The following LARP4B variants were observed in gnomAD, a reference collection of about 807,000 sequenced individuals.
The protein encoded by LARP4B is la-related protein 4B.
Under a neutral mutation model 89.8 loss-of-function variants are expected in LARP4B, and 12 were observed. That is an observed-to-expected ratio of 0.13 (90% CI 0.09 to 0.22). The LOEUF is 0.22. Ranked by LOEUF, LARP4B falls within the 10% of genes least tolerant of loss-of-function variation. The pLI is 1.00. For synonymous variants in LARP4B, 367 were observed against 363.3 expected (o/e 1.01, Z -0.12); for missense variants, 757 against 947.7 (o/e 0.80, Z 2.64).
At chr10:983,148 C>A in the LARP4B span, among the ~76,000 whole-genome samples, 1 of 152,228 alleles carries the variant, frequency 6.6e-6, no homozygotes, top group African/African-American at 2.4e-5. Context: ...CAGTTGAGCA[C>A]AGATTTAAAG....
chr10:862,271 A>AAAAC (rs1834658660), intron 5 of LARP4B, among the ~76,000 whole-genome samples: 1 of 149,736 alleles, frequency 6.7e-6, no homozygotes, highest in South Asian at 2.1e-4. Flanking sequence ...AAAAAAAAAA[A>AAAAC]AAAAAAAAAA....
the LARP4B span, among the ~76,000 whole-genome samples, chr10:960,992 G>C: frequency 6.6e-6 from 1 of 152,186 alleles, no homozygotes; most frequent in African/African-American, 2.4e-5. Context: ...ACACAGAGGA[G>C]CACAGCAGGA....
chr10:808,628 C>A (rs1270034469), downstream of LARP4B: 1 of 152,078 alleles, frequency 6.6e-6, no homozygotes, highest in East Asian at 1.9e-4. Context: ...ACTGGTGATA[C>A]TGGAAAAAGA....
At chr10:920,028 C>G (rs1366721022) in intron 1 of LARP4B, among the ~76,000 whole-genome samples, 1 of 152,188 alleles carries the variant, frequency 6.6e-6, no homozygotes, top group Admixed American at 6.5e-5. Flanking sequence ...TTAAAAAGCA[C>G]AGTCTAATAA....
chr10:875,825 G>A (rs955289180), intron 3 of LARP4B, among the ~76,000 whole-genome samples: 9 of 152,104 alleles, frequency 5.9e-5, no homozygotes, highest in Admixed American at 5.2e-4. Context: ...CATGAACTTT[G>A]GGGGACACAT....
intron 1 of LARP4B, among the ~76,000 whole-genome samples, chr10:900,394 C>T (rs1031360023): frequency 1.1e-4 from 14 of 132,824 alleles, no homozygotes; most frequent in Non-Finnish European, 2.0e-4. Context: ...ACAGTCATAG[C>T]ATTCTAGGAT....
chr10:844,594 GGAAAGAAAAAT>G (rs1214566956), intron 6 of LARP4B, among the ~76,000 whole-genome samples: 1 of 151,920 alleles, frequency 6.6e-6, no homozygotes, highest in Non-Finnish European at 1.5e-5. Context: ...ATTATTCAGG[GGAAAGAAAAAT>G]GATTAAAAAT....
At chr10:908,538 G>C (rs891930020) in intron 1 of LARP4B, among the ~76,000 whole-genome samples, 4 of 149,274 alleles carry the variant, frequency 2.7e-5, no homozygotes, top group African/African-American at 9.9e-5. Context: ...CCCTCATTCT[G>C]TGGGACCTGA....
At chr10:913,876 T>C (rs1836744667) in intron 1 of LARP4B, among the ~76,000 whole-genome samples, 1 of 152,114 alleles carries the variant, frequency 6.6e-6, no homozygotes, top group Admixed American at 6.5e-5. Flanking sequence ...GCCACTGCAC[T>C]CCAGCCTGGG....
intron 1 of LARP4B, among the ~76,000 whole-genome samples, chr10:890,711 T>TATG (rs770990919): frequency 1.6e-4 from 25 of 151,952 alleles, no homozygotes; most frequent in Middle Eastern, 3.4e-3. Flanking sequence ...TGGACTTTTT[T>TATG]ATTATTATTA....
In LARP4B at chr10:830,814, A is replaced by G. The variant is rs151254478; in HGVS notation, c.861+53T>C. ...AAGTTTAGTCCCAACATGCACTAAT[A>G]GTAAAAACTGGTAAACTATGCAATT... is the stretch of plus-strand genomic sequence containing the variant. On this transcript the variant is annotated intron_variant, in intron 9 of 17. Transcript: ENST00000316157. The G allele has an allele frequency of 1.1e-4, 89 of 800,800 alleles. No individual in the cohort carries two copies. The African/African-American group carries it at 1.1e-3, about 10-fold the overall frequency. The allele number at this position is 800,800 out of a possible 1,614,324, so 49.6% of individuals were successfully genotyped here. A position where few individuals can be genotyped will look rare whatever the true frequency, so the allele number is the denominator to read the frequency against.
At chr10:900,129 T>A (rs1355183194) in intron 1 of LARP4B, among the ~76,000 whole-genome samples, 1 of 152,052 alleles carries the variant, frequency 6.6e-6, no homozygotes, top group Non-Finnish European at 1.5e-5. Flanking sequence ...GTGGATCATC[T>A]GAGGTCAGGA....
intron 1 of LARP4B, among the ~76,000 whole-genome samples, chr10:913,738 CT>C (rs770469609): frequency 3.0e-4 from 46 of 152,052 alleles, no homozygotes; most frequent in Admixed American, 2.6e-3. Context: ...GTGAAACCCC[CT>C]CTCTACCAAA....
chr10:937,834 A>C, the LARP4B span, among the ~76,000 whole-genome samples: 79 of 152,190 alleles, frequency 5.2e-4, no homozygotes, highest in African/African-American at 1.9e-3. Flanking sequence ...GGTCAGAGGA[A>C]ACATTCGCTG....
At chr10:939,783 C>T in the LARP4B span, among the ~76,000 whole-genome samples, 1 of 152,204 alleles carries the variant, frequency 6.6e-6, no homozygotes, top group African/African-American at 2.4e-5. Context: ...ACTTCATAAG[C>T]ACCTGGAGAA....
intron 11 of LARP4B, 46 bp from the exon 12 acceptor site, chr10:825,916 C>A: frequency 2.4e-6 from 3 of 1,268,974 alleles, no homozygotes; most frequent in Non-Finnish European, 3.4e-6. Flanking sequence ...ATAAAACAGA[C>A]TTCAATTTCA....
chr10:872,331 G>A (rs1259978519), intron 3 of LARP4B, among the ~76,000 whole-genome samples: 1 of 152,188 alleles, frequency 6.6e-6, no homozygotes, highest in African/African-American at 2.4e-5. Flanking sequence ...TCTTCCTGCC[G>A]TGGCTCTGGC....
chr10:883,616 C>A (rs1040876622), intron 3 of LARP4B, among the ~76,000 whole-genome samples: 3 of 151,348 alleles, frequency 2.0e-5, no homozygotes, highest in African/African-American at 7.3e-5. Context: ...TAGAAGGTGT[C>A]TTTTGTTTTT....
the LARP4B span, among the ~76,000 whole-genome samples, chr10:958,447 G>A: frequency 1.3e-5 from 2 of 152,200 alleles, no homozygotes; most frequent in Admixed American, 6.5e-5. Flanking sequence ...AAATGTTTAA[G>A]CATCCTGCAG....
Sources: allele counts gnomAD v4.1 joint callset (sites outside exome capture counted in the v4.1 genomes callset), GRCh38; gene constraint gnomAD v4.1.1; transcripts MANE v1.5; gene names NCBI Gene and HGNC (gene_info 2026-07-23, HGNC 2026-07-21).